MYH10: variants seen among roughly 807,000 people sequenced by gnomAD.
MYH10 encodes myosin heavy chain 10, also known as myosin-10.
A neutral mutation model predicts 257.8 loss-of-function variants in MYH10; 55 were observed. The observed-to-expected ratio is 0.21, with a 90% CI of 0.17 to 0.27. The LOEUF is 0.27. MYH10 is among the 10% of genes least tolerant of loss of function. The pLI is 1.00. For missense variants in MYH10, 1,631 were observed against 2,500.6 expected (o/e 0.65, Z 7.42); for synonymous variants, 854 against 921.7 (o/e 0.93, Z 1.33).
chr17:8,623,295 G>A lies in MYH10; in HGVS notation c.-31-18C>T, dbSNP rs1441725510. On this transcript the variant is annotated intron_variant, in intron 1 of 42. Transcript: ENST00000360416. ...AATTGCCTCTAAGAGAAGAGGAGGAGGGCAAAATTAGATGTTTAAGAAACA... is the reference window on the plus strand; with the variant it reads ...AATTGCCTCTAAGAGAAGAGGAGGAAGGCAAAATTAGATGTTTAAGAAACA... The A allele has an allele frequency of 2.6e-6, 4 of 1,532,384 alleles. No individual in the cohort carries two copies. Among genetic ancestry groups the A allele is most frequent in the Middle Eastern group, 1.8e-4 (1 of 5,684 alleles). 94.9% of individuals were successfully genotyped at this position (1,532,384 alleles called of 1,614,324 possible). A position where few individuals can be genotyped will look rare whatever the true frequency, so the allele number is the denominator to read the frequency against.
At position 8,504,254 on chromosome 17, in the gene MYH10, C is replaced by G. The variant is rs905843265; in HGVS notation, c.3599+440G>C. On this transcript the variant is annotated intron_variant, in intron 28 of 42. Transcript: ENST00000360416. This position sits in a 1 kb window ranked among gnomAD's most constrained non-coding sequence, Gnocchi z 5.6. ...CTCACCCTTGTGAAGGCACCCTTCC[C>G]TTTTCAGCTGGTTACCTACACCGTT... Among the ~76,000 whole-genome samples the G allele has an allele frequency of 1.3e-5, 2 of 152,286 alleles. No homozygotes were observed. Among genetic ancestry groups the G allele is most frequent in the East Asian group, 3.9e-4 (2 of 5,172 alleles).
intron 40 of MYH10, among the ~76,000 whole-genome samples, chr17:8,479,086 C>T (rs1007488582): frequency 2.0e-5 from 3 of 152,222 alleles, no homozygotes; most frequent in African/African-American, 7.2e-5. Flanking sequence ...GTCAGTTATA[C>T]TGAACATAGA....
intron 7 of MYH10, 157 bp from the exon 8 acceptor site, chr17:8,554,175 G>C: frequency 2.2e-6 from 1 of 464,160 alleles, no homozygotes; most frequent in Non-Finnish European, 3.9e-6. Context: ...AAAACAGGCT[G>C]TGATACATTT....
chr17:8,544,046 T>G (rs895024683), intron 13 of MYH10, among the ~76,000 whole-genome samples: 30 of 152,222 alleles, frequency 2.0e-4, no homozygotes. Flanking sequence ...TATCTTGTTA[T>G]GTTGTGGGAT....
intron 28 of MYH10, among the ~76,000 whole-genome samples, chr17:8,501,517 G>T (rs8074636): frequency 6.6e-6 from 1 of 152,210 alleles, no homozygotes; most frequent in African/African-American, 2.4e-5. Context: ...AAGTGAAGGG[G>T]TGACAAAGGC....
intron 17 of MYH10, among the ~76,000 whole-genome samples, chr17:8,523,072 C>T (rs1567844289): frequency 1.3e-5 from 2 of 152,182 alleles, no homozygotes; most frequent in Non-Finnish European, 2.9e-5. Context: ...TAGAATAAGG[C>T]ACAATACAAA....
chr17:8,622,792 T>C, intron 2 of MYH10, 110 bp downstream of exon 2: 1 of 1,264,252 alleles, frequency 7.9e-7, no homozygotes, highest in Non-Finnish European at 1.1e-6. Flanking sequence ...AATAGAAATG[T>C]TAAACAGAGA....
chr17:8,576,884 C>T (rs1334544224), intron 5 of MYH10, among the ~76,000 whole-genome samples: 1 of 152,198 alleles, frequency 6.6e-6, no homozygotes, highest in Non-Finnish European at 1.5e-5. Context: ...TCTGTCATCA[C>T]TTCTTCCCAT....
At position 8,474,928 on chromosome 17, in the gene MYH10, A is replaced by G. The variant is rs762217207; in HGVS notation, c.*876T>C. 1 of 152,656 alleles carries G rather than the reference A, an allele frequency of 6.6e-6. No homozygotes were observed. Among genetic ancestry groups the G allele is most frequent in the Non-Finnish European group, 1.5e-5 (1 of 68,072 alleles). The allele number at this position is 152,656 out of a possible 1,614,324, so 9.5% of individuals were successfully genotyped here. On this transcript the variant is annotated 3_prime_UTR_variant, in exon 43 of 43. Coordinates refer to ENST00000360416, the MANE Select transcript of MYH10 (RefSeq NM_001256012.3). ...CAGCGGCTGAATTTGCAAGGTCAGC[A>G]TGAGGGCCCGGCTGGCGATGGGGAG... is the stretch of plus-strand genomic sequence containing the variant.
chr17:8,545,401 GA>G lies in MYH10; in HGVS notation c.1431+46del. The G allele has an allele frequency of 6.3e-7, 1 of 1,599,488 alleles. No homozygotes were observed. The highest frequency in any genetic ancestry group is 1.3e-5 in the African/African-American group (1 of 74,118). On this transcript the variant is annotated intron_variant, in intron 13 of 42. Transcript: ENST00000360416. The surrounding 1 kb of genome is among the most constrained non-coding windows in gnomAD (Gnocchi z 4.7). ...CAGTAAGCCTTCATATTTGTTAAAA[GA>G]ACAAACAAAAAGAAGGACGAGCTAG...
intron 4 of MYH10, among the ~76,000 whole-genome samples, chr17:8,585,226 A>ATG (rs2083857774): frequency 1.8e-4 from 2 of 11,182 alleles, no homozygotes; most frequent in Admixed American, 1.8e-3. Context: ...GTGTACATAT[A>ATG]TGTGTGTGTA....
intron 38 of MYH10, 150 bp from the exon 39 acceptor site, chr17:8,480,675 A>T (rs566158634): frequency 9.9e-7 from 1 of 1,008,366 alleles, no homozygotes; most frequent in South Asian, 1.4e-5. Flanking sequence ...CAAATCCATC[A>T]GTAGGTCCCA....
At chr17:8,578,061 G>A (rs1364081657) in intron 4 of MYH10, among the ~76,000 whole-genome samples, 1 of 152,080 alleles carries the variant, frequency 6.6e-6, no homozygotes, top group Non-Finnish European at 1.5e-5. Flanking sequence ...ACTCTGAGAT[G>A]CCTGCTGGTA....
chr17:8,571,537 C>T (rs2083342166), intron 6 of MYH10, among the ~76,000 whole-genome samples: 1 of 152,026 alleles, frequency 6.6e-6, no homozygotes, highest in Admixed American at 6.6e-5. Flanking sequence ...AATCCCAAAA[C>T]TTTGCGAGGC....
intron 17 of MYH10, among the ~76,000 whole-genome samples, chr17:8,524,142 A>C (rs1034372524): frequency 6.6e-6 from 1 of 151,992 alleles, no homozygotes; most frequent in Non-Finnish European, 1.5e-5. Context: ...GAGGAGGAGG[A>C]GTTAAAGAGC....
In MYH10 at chr17:8,490,306, C is replaced by T. The variant is rs1262668404; in HGVS notation, c.4884+34G>A. ...CAGAGCTGGGCTTTGAGAGCCTGCA[C>T]CCCTTGTTGTGGAGGCCGCACCCTC... On this transcript the variant is annotated intron_variant, in intron 35 of 42. Coordinates refer to ENST00000360416, the MANE Select transcript of MYH10 (RefSeq NM_001256012.3). The surrounding 1 kb of genome is among the most constrained non-coding windows in gnomAD (Gnocchi z 4.1). 4 of 1,600,352 alleles carry T rather than the reference C, an allele frequency of 2.5e-6. No homozygotes were observed. The highest frequency in any genetic ancestry group is 3.4e-6 in the Non-Finnish European group (4 of 1,170,956).
chr17:8,591,083 A>G (rs1485179151), intron 3 of MYH10, among the ~76,000 whole-genome samples: 1 of 151,930 alleles, frequency 6.6e-6, no homozygotes, highest in South Asian at 2.1e-4. Context: ...CGTGTTAGCC[A>G]GGATGGTCTC....
chr17:8,484,476 A>AAT, intron 36 of MYH10, among the ~76,000 whole-genome samples: 1 of 152,216 alleles, frequency 6.6e-6, no homozygotes, highest in East Asian at 1.9e-4. Context: ...TTATAAAAGT[A>AAT]ATATACATTC....
chr17:8,571,829 C>T (rs563575048), intron 6 of MYH10, among the ~76,000 whole-genome samples: 5 of 152,208 alleles, frequency 3.3e-5, no homozygotes, highest in African/African-American at 9.6e-5. Flanking sequence ...TCCACCCCCC[C>T]GGGGTCAGCA....
Sources: gnomAD v4.1 joint callset for allele counts (sites outside exome capture counted in the v4.1 genomes callset) on GRCh38, gnomAD v4.1.1 for gene constraint, Gnocchi (gnomAD v3.1) non-coding constraint, MANE v1.5 for transcripts, NCBI Gene and HGNC (gene_info 2026-07-23, HGNC 2026-07-21) for gene names.